The following SH3RF3 variants were observed in gnomAD, a reference collection of about 807,000 sequenced individuals.
SH3RF3 encodes E3 ubiquitin-protein ligase SH3RF3.
SH3RF3 carries 29 observed loss-of-function variants against 66.3 expected under a neutral mutation model. The ratio of observed to expected loss-of-function variants is 0.44; its 90% CI spans 0.33 to 0.60. SH3RF3 has a LOEUF of 0.60. Among genes scored for constraint, SH3RF3 ranks in the 20% least tolerant of loss-of-function variants. The probability of loss-of-function intolerance (pLI) is 0.04; values close to 1 mark genes in which losing one functional copy is unlikely to be tolerated. For synonymous variants in SH3RF3, 583 were observed against 532.0 expected, an observed-to-expected ratio of 1.10 and a Z score of -1.32; for missense variants, 1,194 against 1,190.9, an observed-to-expected ratio of 1.00 and a Z score of -0.04.
intron 1 of SH3RF3, among the ~76,000 whole-genome samples, chr2:109,289,533 A>G (rs964372119): frequency 1.3e-5 from 2 of 152,188 alleles, no homozygotes; most frequent in Non-Finnish European, 2.9e-5. Flanking sequence ...AAATCTGTGT[A>G]AGGATCTTAG....
Position 109,292,524 on chromosome 2 carries a change from C to T in SH3RF3, c.574-55150C>T, listed in dbSNP as rs150346821. ...TTTCTGTAACTGTTCACCTATCCGA[C>T]GTTTAGCTTGTTCCAGTTTTTCTCT... On this transcript the variant is annotated intron_variant, in intron 1 of 9. Coordinates refer to ENST00000309415, the MANE Select transcript of SH3RF3 (RefSeq NM_001099289.3). Among the ~76,000 whole-genome samples the T allele has an allele frequency of 8.0e-3, 1,219 of 152,306 alleles. 13 individuals carry two copies. Among genetic ancestry groups the T allele is most frequent in the East Asian group, 0.037 (194 of 5,182 alleles).
intron 1 of SH3RF3, among the ~76,000 whole-genome samples, chr2:109,291,493 C>T (rs1309032656): frequency 3.3e-5 from 5 of 152,122 alleles, no homozygotes; most frequent in African/African-American, 7.2e-5. Flanking sequence ...CAGGGGCCTT[C>T]GGGCACGTGC....
intron 1 of SH3RF3, among the ~76,000 whole-genome samples, chr2:109,170,305 TTCTCTTCTCTCCTCTCTC>T (rs1677745021): frequency 4.1e-5 from 5 of 121,358 alleles, no homozygotes; most frequent in Admixed American, 1.7e-4. Context: ...TTCTCTTCTC[TTCTCTTCTCTCCTCTCTC>T]TCTCTCCTCT....
At chr2:109,413,265 C>T (rs942480799) in intron 4 of SH3RF3, among the ~76,000 whole-genome samples, 11 of 152,172 alleles carry the variant, frequency 7.2e-5, no homozygotes, top group African/African-American at 2.7e-4. Context: ...CAGGTGCTTG[C>T]CACAATGCCC....
chr2:109,473,831 C>T (rs926569313), intron 8 of SH3RF3, among the ~76,000 whole-genome samples: 2 of 151,732 alleles, frequency 1.3e-5, no homozygotes, highest in Non-Finnish European at 2.9e-5. Context: ...CGCAGGCTGT[C>T]TCTTTTTTGG....
At chr2:109,402,796 G>A (rs374547681) in intron 4 of SH3RF3, among the ~76,000 whole-genome samples, 1 of 152,240 alleles carries the variant, frequency 6.6e-6, no homozygotes, top group East Asian at 1.9e-4. Context: ...CGTGGGTTGT[G>A]TGTCCCAGTG....
chr2:109,187,990 C>T (rs1363236361), intron 1 of SH3RF3, among the ~76,000 whole-genome samples: 1 of 152,180 alleles, frequency 6.6e-6, no homozygotes, highest in African/African-American at 2.4e-5. Flanking sequence ...AAGGGGGGCA[C>T]AGCGGGGGTT....
At chr2:109,275,033 A>C (rs1339303588) in intron 1 of SH3RF3, among the ~76,000 whole-genome samples, 1 of 152,222 alleles carries the variant, frequency 6.6e-6, no homozygotes, top group Non-Finnish European at 1.5e-5. Flanking sequence ...ATATTTATAG[A>C]TTACCATAAT....
chr2:109,145,410 C>T (rs1677071371), intron 1 of SH3RF3, among the ~76,000 whole-genome samples: 1 of 152,192 alleles, frequency 6.6e-6, no homozygotes, highest in Non-Finnish European at 1.5e-5. Context: ...GTGTTCATTC[C>T]TGCTGTTGGC....
rs536076285 is a variant in SH3RF3 at position 109,473,370 on chromosome 2, A to G, written c.2149-17235A>G. On this transcript the variant is annotated intron_variant, in intron 8 of 9. Coordinates refer to ENST00000309415, the MANE Select transcript of SH3RF3 (RefSeq NM_001099289.3). ...AGCACAAGTTGACATCGTGTTCAGA[A>G]TAGGGCGTGCTCTGAGGCCCCCATC... Among the ~76,000 whole-genome samples the G allele has an allele frequency of 6.6e-5, 10 of 152,280 alleles. No individual in the cohort carries two copies. The South Asian group carries it at 1.7e-3, about 25-fold the overall frequency.
chr2:109,348,295 C>T lies in SH3RF3; in HGVS notation c.849+346C>T, dbSNP rs570942838. On this transcript the variant is annotated intron_variant, in intron 2 of 9. Coordinates refer to ENST00000309415, the MANE Select transcript of SH3RF3 (RefSeq NM_001099289.3). The stretch of plus-strand genomic sequence containing the variant: ...CGCTGACCCAGGTGCAGCAGAATGA[C>T]GCCTTTCCAGGACTCTTGGGGTCCT... Among the ~76,000 whole-genome samples the T allele has an allele frequency of 4.6e-5, 7 of 152,214 alleles. No homozygotes were observed. In the East Asian group the frequency reaches 5.8e-4, roughly 13 times the overall value.
At chr2:109,495,968 G>A (rs912643844) in intron 9 of SH3RF3, among the ~76,000 whole-genome samples, 2 of 152,286 alleles carry the variant, frequency 1.3e-5, no homozygotes, top group East Asian at 3.9e-4. Context: ...TGGTGGGTTC[G>A]TGGTCTCACT....
At chr2:109,500,847 G>T (rs975970410) in intron 9 of SH3RF3, among the ~76,000 whole-genome samples, 5 of 152,158 alleles carry the variant, frequency 3.3e-5, no homozygotes, top group African/African-American at 1.2e-4. Flanking sequence ...CTATTCGGGA[G>T]GCTGAGGTGG....
At chr2:109,337,158 G>C (rs540166601) in intron 1 of SH3RF3, among the ~76,000 whole-genome samples, 1 of 152,174 alleles carries the variant, frequency 6.6e-6, no homozygotes, top group East Asian at 1.9e-4. Flanking sequence ...AGGGAGGTAC[G>C]AACTGGCTCA....
At chr2:109,199,329 A>AATAAAATAAATAAAAT (rs1558953516) in intron 1 of SH3RF3, among the ~76,000 whole-genome samples, 38 of 1,068 alleles carry the variant, frequency 0.036, 1 homozygote, top group African/African-American at 0.095. Context: ...CTCAAAAAGT[A>AATAAAATAAATAAAAT]AAATGGAATG....
intron 1 of SH3RF3, among the ~76,000 whole-genome samples, chr2:109,318,446 A>G (rs1056566573): frequency 6.6e-6 from 1 of 152,158 alleles, no homozygotes; most frequent in African/African-American, 2.4e-5. Context: ...CTCCTCTCAA[A>G]GCCAGGGTGG....
chr2:109,221,419 C>G (rs968197078), intron 1 of SH3RF3, among the ~76,000 whole-genome samples: 6 of 152,024 alleles, frequency 3.9e-5, no homozygotes, highest in Non-Finnish European at 8.8e-5. Context: ...CCTGTCTCTA[C>G]TAAAAATACA....
intron 1 of SH3RF3, among the ~76,000 whole-genome samples, chr2:109,337,492 C>T (rs1682450830): frequency 6.6e-6 from 1 of 152,228 alleles, no homozygotes; most frequent in Non-Finnish European, 1.5e-5. Context: ...ACTGTGCAGG[C>T]AAGGGCGGGA....
intron 1 of SH3RF3, among the ~76,000 whole-genome samples, chr2:109,320,806 A>G (rs1024262094): frequency 6.6e-6 from 1 of 152,200 alleles, no homozygotes; most frequent in Non-Finnish European, 1.5e-5. Flanking sequence ...CTTGCTGTAC[A>G]TGGACAGGCA....
Sources: gnomAD v4.1 joint callset for allele counts (sites outside exome capture counted in the v4.1 genomes callset) on GRCh38, gnomAD v4.1.1 for gene constraint, MANE v1.5 for transcripts, NCBI Gene and HGNC (gene_info 2026-07-23, HGNC 2026-07-21) for gene names.